The following AKT3 variants were observed in gnomAD, a reference collection of about 807,000 sequenced individuals.
AKT3 encodes the protein AKT serine/threonine kinase 3, also known as RAC-gamma serine/threonine-protein kinase.
AKT3 carries 15 observed loss-of-function variants against 65.3 expected under a neutral mutation model. That is an observed-to-expected ratio of 0.23 (90% confidence interval 0.15 to 0.35). AKT3 has a LOEUF of 0.35. Among genes scored for constraint, AKT3 ranks in the 10% least tolerant of loss-of-function variants. The pLI, the probability that AKT3 is intolerant of heterozygous loss-of-function variation, is 1.00. For synonymous variants in AKT3, 206 were observed against 183.8 expected (o/e 1.12, Z -0.98); for missense variants, 243 against 576.5 (o/e 0.42, Z 5.92).
intron 2 of AKT3, among the ~76,000 whole-genome samples, chr1:243,733,836 A>C (rs549735007): frequency 6.6e-6 from 1 of 152,240 alleles, no homozygotes; most frequent in Non-Finnish European, 1.5e-5. Flanking sequence ...GTTGGAAAAA[A>C]TGACACAGAT....
intron 2 of AKT3, among the ~76,000 whole-genome samples, chr1:243,820,460 C>G (rs1693791424): frequency 6.6e-6 from 1 of 152,194 alleles, no homozygotes; most frequent in Admixed American, 6.5e-5. Flanking sequence ...CTTAGATGAA[C>G]TGACAGAAGT....
intron 12 of AKT3, among the ~76,000 whole-genome samples, chr1:243,517,586 A>G (rs529086691): frequency 1.3e-5 from 2 of 152,328 alleles, no homozygotes; most frequent in South Asian, 4.1e-4. Flanking sequence ...ACTTGCTTTG[A>G]AATCTACTTC....
chr1:243,555,215 T>C (rs969605852), intron 10 of AKT3, among the ~76,000 whole-genome samples: 1 of 152,184 alleles, frequency 6.6e-6, no homozygotes, highest in Non-Finnish European at 1.5e-5. Flanking sequence ...TAAGCAATGC[T>C]GAGAAGAAAA....
chr1:243,552,857 A>C lies in AKT3; in HGVS notation c.1035T>G (p.Pro345=). The C allele has an allele frequency of 6.2e-7, 1 of 1,614,130 alleles. No individual in the cohort carries two copies. Residue 345 remains proline, a synonymous_variant, in exon 11 of 14, where the codon CCT becomes CCG. Coordinates refer to ENST00000673466, the MANE Select transcript of AKT3 (RefSeq NM_005465.7). ...GTTTCTCATGGTCCTGGTTGTAGAA[A>C]GGTAACCTCCCACACATCATTTCAT... is the stretch of plus-strand genomic sequence containing the variant. ...VMYEMMCGRL[P]FYNQDHEKLF...
At chr1:243,711,808 T>C (rs1462996687) in intron 2 of AKT3, among the ~76,000 whole-genome samples, 1 of 152,212 alleles carries the variant, frequency 6.6e-6, no homozygotes, top group African/African-American at 2.4e-5. Context: ...CTCATCTAAG[T>C]TAAGTGATAT....
At chr1:243,575,553 A>G (rs1233663770) in intron 8 of AKT3, among the ~76,000 whole-genome samples, 2 of 152,190 alleles carry the variant, frequency 1.3e-5, no homozygotes, top group East Asian at 3.9e-4. Context: ...CCATTAAGCA[A>G]TATGAATGAA....
rs1669204369 is a variant in AKT3 at position 243,500,710 on chromosome 1, C to T, written c.*4539G>A. On this transcript the variant is annotated 3_prime_UTR_variant, in exon 14 of 14. Transcript: ENST00000673466. Reference sequence around the variant, plus strand: ...CATCATCCTCATCACCATCTCAACACAGAGCTGATGTCACCATATGCTCAG... The same window carrying T: ...CATCATCCTCATCACCATCTCAACATAGAGCTGATGTCACCATATGCTCAG... The T allele has an allele frequency of 2.2e-5, 5 of 229,938 alleles. No individual in the cohort carries two copies. The East Asian group carries it at 3.1e-4, about 14-fold the overall frequency. The allele number at this position is 229,938 out of a possible 1,614,324, so 14.2% of individuals were successfully genotyped here.
intron 12 of AKT3, among the ~76,000 whole-genome samples, chr1:243,518,109 G>C (rs543302904): frequency 6.6e-6 from 1 of 152,312 alleles, no homozygotes; most frequent in South Asian, 2.1e-4. Flanking sequence ...TGATCTCAAG[G>C]TCTTTTTACT....
At chr1:243,567,831 T>C (rs543378640) in intron 9 of AKT3, among the ~76,000 whole-genome samples, 3 of 152,232 alleles carry the variant, frequency 2.0e-5, no homozygotes, top group Non-Finnish European at 2.9e-5. Flanking sequence ...AGTTCTGTTA[T>C]ACAATACATG....
At chr1:243,536,202 T>C (rs1671915181) in intron 12 of AKT3, among the ~76,000 whole-genome samples, 1 of 152,208 alleles carries the variant, frequency 6.6e-6, no homozygotes, top group Non-Finnish European at 1.5e-5. Context: ...ATGATTTCTT[T>C]TGCTGTGCAG....
intron 7 of AKT3, 41 bp from the exon 8 acceptor site, chr1:243,613,780 G>T: frequency 7.7e-7 from 1 of 1,292,616 alleles, no homozygotes; most frequent in Non-Finnish European, 1.1e-6. Context: ...TTATAATCCT[G>T]TATTCTTATA....
chr1:243,599,727 G>A (rs763440156), intron 8 of AKT3, among the ~76,000 whole-genome samples: 1 of 152,034 alleles, frequency 6.6e-6, no homozygotes, highest in Admixed American at 6.6e-5. Flanking sequence ...CTAACAACAT[G>A]GTTAATGGTG....
At chr1:243,691,202 A>G (rs773063102) in intron 3 of AKT3, among the ~76,000 whole-genome samples, 1 of 152,220 alleles carries the variant, frequency 6.6e-6, no homozygotes, top group Non-Finnish European at 1.5e-5. Context: ...AAAGCCTCAG[A>G]GTGGAAAAGC....
intron 2 of AKT3, among the ~76,000 whole-genome samples, chr1:243,698,047 A>G (rs947989706): frequency 2.0e-5 from 3 of 152,080 alleles, no homozygotes; most frequent in South Asian, 2.1e-4. Context: ...TAAGCACATG[A>G]CTTAATAAGG....
chr1:243,646,082 G>C (rs754408417), intron 4 of AKT3, 45 bp from the exon 5 acceptor site: 3 of 1,479,888 alleles, frequency 2.0e-6, no homozygotes, highest in Non-Finnish European at 2.7e-6. Context: ...GATGGTAAAT[G>C]ATTTAAATAT....
chr1:243,745,349 A>G (rs919554945), intron 2 of AKT3, among the ~76,000 whole-genome samples: 1 of 152,182 alleles, frequency 6.6e-6, no homozygotes, highest in African/African-American at 2.4e-5. Flanking sequence ...CAAAAATAAA[A>G]TAAGAGTATT....
At chr1:243,556,679 GT>G (rs200420077) in intron 10 of AKT3, among the ~76,000 whole-genome samples, 1 of 151,994 alleles carries the variant, frequency 6.6e-6, no homozygotes, top group African/African-American at 2.4e-5. Flanking sequence ...CAAAAAAAAA[GT>G]TTTTTCTGGT....
At chr1:243,767,029 G>GTAC (rs1172087617) in intron 2 of AKT3, among the ~76,000 whole-genome samples, 1 of 152,044 alleles carries the variant, frequency 6.6e-6, no homozygotes, top group Non-Finnish European at 1.5e-5. Context: ...TCTTTGATTT[G>GTAC]TTATTTTAAT....
intron 2 of AKT3, among the ~76,000 whole-genome samples, chr1:243,746,134 T>C (rs1688461410): frequency 6.6e-6 from 1 of 152,214 alleles, no homozygotes; most frequent in Non-Finnish European, 1.5e-5. Context: ...TTTAGCCCTA[T>C]TTTAATGCTT....
Sources: allele counts gnomAD v4.1 joint callset (sites outside exome capture counted in the v4.1 genomes callset), GRCh38; gene constraint gnomAD v4.1.1; transcripts MANE v1.5; gene names NCBI Gene and HGNC (gene_info 2026-07-23, HGNC 2026-07-21).